Variants in TAF4B observed in about 807,000 individuals in gnomAD.
TAF4B encodes the protein TATA-box binding protein associated factor 4b.
TAF4B carries 38 observed loss-of-function variants against 86.4 expected under a neutral mutation model. That is an observed-to-expected ratio of 0.44 (90% confidence interval 0.34 to 0.58). TAF4B has a LOEUF of 0.58. Among genes scored for constraint, TAF4B ranks in the 20% least tolerant of loss-of-function variants. The pLI, the probability that TAF4B is intolerant of heterozygous loss-of-function variation, is 0.02. For synonymous variants in TAF4B, 388 were observed against 391.2 expected (o/e 0.99, Z 0.10); for missense variants, 988 against 1,027.6 (o/e 0.96, Z 0.53).
At chr18:26,332,093 C>T (rs1192627852) in intron 12 of TAF4B, among the ~76,000 whole-genome samples, 3 of 152,082 alleles carry the variant, frequency 2.0e-5, no homozygotes, top group Non-Finnish European at 2.9e-5. Flanking sequence ...CATTGAGTTC[C>T]CTTCCCCTAA....
chr18:26,260,220 A>G lies in TAF4B; in HGVS notation c.344-4950A>G, dbSNP rs1408199322. On this transcript the variant is annotated intron_variant, in intron 1 of 14. Transcript: ENST00000269142. ...GGGTAGATTGCAAAAATTTTCTCCC[A>G]TTCTGTAGGTTGCCTGTTCACTCTG... Among the ~76,000 whole-genome samples, 28 of 152,116 alleles carry G rather than the reference A, an allele frequency of 1.8e-4. 1 individual carries two copies. The highest frequency in any genetic ancestry group is 2.4e-5 in the African/African-American group (1 of 41,406).
At chr18:26,303,143 A>C (rs371459315) in intron 9 of TAF4B, among the ~76,000 whole-genome samples, 149 of 22,498 alleles carry the variant, frequency 6.6e-3, no homozygotes, top group Non-Finnish European at 9.0e-3. Context: ...CCACTTTCAT[A>C]CTCCCTCCAC....
At chr18:26,271,025 T>TTAG (rs1239901048) in intron 3 of TAF4B, among the ~76,000 whole-genome samples, 1 of 152,224 alleles carries the variant, frequency 6.6e-6, no homozygotes, top group Non-Finnish European at 1.5e-5. Context: ...GGGCTACTCC[T>TTAG]TAGTGGTAGC....
At chr18:26,352,484 G>GTTC (rs1228591570) in intron 13 of TAF4B, among the ~76,000 whole-genome samples, 2 of 152,030 alleles carry the variant, frequency 1.3e-5, no homozygotes, top group African/African-American at 4.8e-5. Context: ...CCAGAAGCTG[G>GTTC]TTCTTTGATC....
intron 9 of TAF4B, 128 bp from the exon 10 acceptor site, chr18:26,315,101 T>TCA (rs2056889137): frequency 5.7e-6 from 1 of 176,722 alleles, no homozygotes; most frequent in Admixed American, 1.6e-4. Context: ...TGAAACTCTC[T>TCA]CTCTCTCTCT....
intron 13 of TAF4B, among the ~76,000 whole-genome samples, 175 bp from the exon 14 acceptor site, chr18:26,357,515 G>C (rs924849148): frequency 6.6e-6 from 1 of 152,160 alleles, no homozygotes; most frequent in Non-Finnish European, 1.5e-5. Flanking sequence ...GAACTAAAGA[G>C]TTTGTTGGTG....
intron 3 of TAF4B, among the ~76,000 whole-genome samples, chr18:26,268,079 A>G (rs79192996): frequency 0.044 from 6,658 of 152,084 alleles, 201 homozygotes; most frequent in Non-Finnish European, 0.061. Context: ...CTTAATTCCT[A>G]CTCTCTGTTC....
At chr18:26,371,466 A>C (rs943600505) in intron 14 of TAF4B, among the ~76,000 whole-genome samples, 2 of 152,184 alleles carry the variant, frequency 1.3e-5, no homozygotes, top group African/African-American at 4.8e-5. Flanking sequence ...TGCTGACATC[A>C]AACTAGGTCC....
At chr18:26,331,239 T>TA (rs57507175) in intron 12 of TAF4B, among the ~76,000 whole-genome samples, 54,086 of 152,176 alleles carry the variant, frequency 0.36, 11,765 homozygotes, top group East Asian at 0.81. Flanking sequence ...TATTTCCACT[T>TA]ACTGTGCTGT....
intron 7 of TAF4B, among the ~76,000 whole-genome samples, chr18:26,287,096 C>T (rs1362113706): frequency 3.3e-5 from 5 of 152,174 alleles, no homozygotes; most frequent in African/African-American, 1.2e-4. Context: ...AACATAACCA[C>T]AACATACCTG....
intron 13 of TAF4B, among the ~76,000 whole-genome samples, chr18:26,350,004 A>G (rs1380537835): frequency 6.6e-6 from 1 of 152,224 alleles, no homozygotes; most frequent in African/African-American, 2.4e-5. Context: ...GAAAGCGGGC[A>G]TCCATATGCA....
At chr18:26,257,687 T>G (rs2056103911) in intron 1 of TAF4B, among the ~76,000 whole-genome samples, 1 of 152,180 alleles carries the variant, frequency 6.6e-6, no homozygotes, top group Non-Finnish European at 1.5e-5. Context: ...CTTTGTAATT[T>G]TTTCAACATG....
At chr18:26,386,108 G>C (rs867473322) in intron 14 of TAF4B, among the ~76,000 whole-genome samples, 2 of 152,182 alleles carry the variant, frequency 1.3e-5, no homozygotes, top group Non-Finnish European at 2.9e-5. Context: ...AGACATTTCT[G>C]TTGGGTTACT....
chr18:26,242,120 G>A (rs2055848863), intron 1 of TAF4B, among the ~76,000 whole-genome samples: 1 of 152,144 alleles, frequency 6.6e-6, no homozygotes. Context: ...GCAGAGCTGA[G>A]TTCAAGTCCT....
Position 26,286,065 on chromosome 18 carries a change from A to C in TAF4B, c.1156A>C (p.Thr386Pro). The change falls in exon 7 of 15, where the codon ACA becomes CCA. Residue 386 changes from threonine (T) to proline (P), a missense_variant. By Grantham distance (38) the Thr-to-Pro change is conservative (BLOSUM62 -1). Coordinates refer to ENST00000269142, the MANE Select transcript of TAF4B (RefSeq NM_005640.3). ...AAAGTCAATTATTGTTTCTGGAGCA[A>C]CAGCACCCAGAACTGTGTCAGTGCA... Reference protein sequence around the residue: ...SEKSIIVSGATAPRTVSVQTL... With the variant: ...SEKSIIVSGAPAPRTVSVQTL... The C allele has an allele frequency of 6.2e-7, 1 of 1,614,216 alleles. No homozygotes were observed. The highest frequency in any genetic ancestry group is 8.5e-7 in the Non-Finnish European group (1 of 1,180,026).
intron 9 of TAF4B, among the ~76,000 whole-genome samples, chr18:26,304,333 A>T (rs1426835599): frequency 6.6e-6 from 1 of 152,200 alleles, no homozygotes; most frequent in Non-Finnish European, 1.5e-5. Flanking sequence ...ACATAGGATG[A>T]TCAAATAGTA....
At chr18:26,244,736 TATAAG>T (rs1417809504) in intron 1 of TAF4B, among the ~76,000 whole-genome samples, 1 of 152,164 alleles carries the variant, frequency 6.6e-6, no homozygotes, top group African/African-American at 2.4e-5. Flanking sequence ...AAATTATCCT[TATAAG>T]AGAAACTAGA....
chr18:26,243,726 C>T lies in TAF4B; in HGVS notation c.343+16450C>T, dbSNP rs113150524. 2.1e-3 allele frequency among the ~76,000 whole-genome samples: 326 copies of T among 152,254 alleles called. 1 individual carries two copies. Among genetic ancestry groups the T allele is most frequent in the Non-Finnish European group, 3.6e-3 (244 of 68,016 alleles). On this transcript the variant is annotated intron_variant, in intron 1 of 14. Coordinates refer to ENST00000269142, the MANE Select transcript of TAF4B (RefSeq NM_005640.3). ...CTTTCCATCTTTGTGGTTTTGTCTA[C>T]CTTTGGTCTTTGATGATGGTGATGT...
intron 1 of TAF4B, among the ~76,000 whole-genome samples, chr18:26,246,759 C>G (rs560960650): frequency 1.3e-5 from 2 of 152,230 alleles, no homozygotes; most frequent in African/African-American, 4.8e-5. Flanking sequence ...TCTCAAACTC[C>G]TGACCTCAGG....
Sources: allele counts gnomAD v4.1 joint callset (sites outside exome capture counted in the v4.1 genomes callset), GRCh38; gene constraint gnomAD v4.1.1; transcripts MANE v1.5; gene names NCBI Gene and HGNC (gene_info 2026-07-23, HGNC 2026-07-21).